The following UBE2V2 variants were observed in gnomAD, a reference collection of about 807,000 sequenced individuals.
The protein encoded by UBE2V2 is ubiquitin conjugating enzyme E2 V2.
A neutral mutation model predicts 17.2 loss-of-function variants in UBE2V2; 9 were observed. That is an observed-to-expected ratio of 0.52 (90% CI 0.32 to 0.91). The LOEUF is 0.91. Among genes scored for constraint, UBE2V2 ranks in the 40% least tolerant of loss-of-function variants. The pLI is 0.04. For missense variants in UBE2V2, 133 were observed against 182.6 expected (o/e 0.73, Z 1.56); for synonymous variants, 61 against 57.5 (o/e 1.06, Z -0.28).
At chr8:48,042,834 G>A in intron 1 of UBE2V2, 199 bp from the exon 2 acceptor site, 1 of 427,306 alleles carries the variant, frequency 2.3e-6, no homozygotes, top group South Asian at 8.0e-5. Context: ...GTTAATGTTT[G>A]GTACAGTGCT....
At chr8:48,003,802 A>G (rs1396006388), upstream of UBE2V2, among the ~76,000 whole-genome samples, 1 of 152,190 alleles carries the variant, frequency 6.6e-6, no homozygotes, top group African/African-American at 2.4e-5. Context: ...TTTGGCCTTA[A>G]GGGAGGACAG....
chr8:48,014,644 CA>C (rs1179934700), intron 1 of UBE2V2, among the ~76,000 whole-genome samples: 1,641 of 72,092 alleles, frequency 0.023, 8 homozygotes, highest in Middle Eastern at 0.045. Flanking sequence ...GACTCTGCCT[CA>C]AAAAAAAAAA....
chr8:48,033,092 C>T (rs186908045), intron 1 of UBE2V2, among the ~76,000 whole-genome samples: 308 of 152,298 alleles, frequency 2.0e-3, no homozygotes, highest in South Asian at 6.4e-3. Flanking sequence ...ACATGAAGGA[C>T]TCATTTGCTT....
intron 1 of UBE2V2, among the ~76,000 whole-genome samples, chr8:48,036,392 G>A (rs1484929652): frequency 6.6e-6 from 1 of 151,384 alleles, no homozygotes; most frequent in Non-Finnish European, 1.5e-5. Flanking sequence ...AGAATTTGTG[G>A]CCATCTTTAA....
At chr8:48,011,812 C>A (rs762934192) in intron 1 of UBE2V2, among the ~76,000 whole-genome samples, 7 of 152,120 alleles carry the variant, frequency 4.6e-5, no homozygotes, top group Non-Finnish European at 8.8e-5. Context: ...CATTGCCACA[C>A]CTGGCTAATT....
At chr8:48,009,508 C>T (rs933049339) in intron 1 of UBE2V2, among the ~76,000 whole-genome samples, 3 of 152,048 alleles carry the variant, frequency 2.0e-5, no homozygotes, top group East Asian at 1.9e-4. Context: ...TCAGGTGATC[C>T]GCCCACTTCG....
upstream of UBE2V2, among the ~76,000 whole-genome samples, chr8:48,006,458 T>A (rs1366104968): frequency 6.6e-6 from 1 of 152,148 alleles, no homozygotes; most frequent in Non-Finnish European, 1.5e-5. Context: ...GTGTGATGCC[T>A]CCAGCTTTGT....
At chr8:48,037,584 AC>A (rs1332581762) in intron 1 of UBE2V2, among the ~76,000 whole-genome samples, 4 of 152,172 alleles carry the variant, frequency 2.6e-5, no homozygotes, top group Non-Finnish European at 4.4e-5. Flanking sequence ...CCTCCTTCTT[AC>A]GCTTCTCCTT....
chr8:48,049,767 T>A (rs576062517), intron 2 of UBE2V2, 86 bp from the exon 3 acceptor site: 12 of 1,261,456 alleles, frequency 9.5e-6, no homozygotes, highest in Admixed American at 2.4e-5. Flanking sequence ...ATTCATATTG[T>A]ACTTTCCCTT....
At chr8:47,998,873 G>A in the UBE2V2 span, among the ~76,000 whole-genome samples, 2 of 152,124 alleles carry the variant, frequency 1.3e-5, no homozygotes, top group African/African-American at 4.8e-5. Flanking sequence ...GCAGCACCAA[G>A]CTTACAGAAT....
intron 3 of UBE2V2, chr8:48,050,212 A>G (rs1447472302): frequency 3.6e-6 from 1 of 278,242 alleles, no homozygotes; most frequent in Non-Finnish European, 6.6e-6. Context: ...GAATAGATGC[A>G]TGTGGTGGTT....
intron 2 of UBE2V2, 64 bp from the exon 3 acceptor site, chr8:48,049,789 G>A: frequency 7.5e-7 from 1 of 1,339,978 alleles, no homozygotes. Context: ...TTTTTTTTTA[G>A]CACTTAGACA....
intron 1 of UBE2V2, among the ~76,000 whole-genome samples, chr8:48,022,804 T>G (rs1468991130): frequency 6.6e-6 from 1 of 151,620 alleles, no homozygotes; most frequent in African/African-American, 2.4e-5. Flanking sequence ...TTTTTCCTGG[T>G]CGCATTTTTT....
At chr8:48,012,546 A>G (rs2091240052) in intron 1 of UBE2V2, among the ~76,000 whole-genome samples, 2 of 152,066 alleles carry the variant, frequency 1.3e-5, no homozygotes, top group African/African-American at 2.4e-5. Context: ...TGGAGAAACC[A>G]TGTCTCTACT....
intron 1 of UBE2V2, among the ~76,000 whole-genome samples, chr8:48,030,373 G>C (rs1218412983): frequency 6.6e-6 from 1 of 152,140 alleles, no homozygotes; most frequent in African/African-American, 2.4e-5. Flanking sequence ...CTATGGTACA[G>C]TTTCTTTCTA....
upstream of UBE2V2, among the ~76,000 whole-genome samples, chr8:48,006,397 G>A (rs1468077450): frequency 6.6e-6 from 1 of 151,402 alleles, no homozygotes; most frequent in Non-Finnish European, 1.5e-5. Context: ...ACCAGTACTA[G>A]GCAATTTTTT....
the UBE2V2 span, among the ~76,000 whole-genome samples, chr8:47,997,482 A>G: frequency 2.0e-5 from 3 of 152,034 alleles, no homozygotes; most frequent in Non-Finnish European, 4.4e-5. Context: ...CCTGGGCTGC[A>G]AGTCACATTG....
At chr8:48,002,795 C>T in the UBE2V2 span, among the ~76,000 whole-genome samples, 2 of 152,058 alleles carry the variant, frequency 1.3e-5, no homozygotes, top group African/African-American at 4.8e-5. Flanking sequence ...TTGCAAATGG[C>T]TGAGAATAGA....
intron 1 of UBE2V2, among the ~76,000 whole-genome samples, chr8:48,031,258 A>G (rs957075929): frequency 6.6e-6 from 1 of 152,062 alleles, no homozygotes; most frequent in Non-Finnish European, 1.5e-5. Context: ...AAAACAACTT[A>G]GCCTTTCCTT....
Sources: gnomAD v4.1 joint callset for allele counts (sites outside exome capture counted in the v4.1 genomes callset) on GRCh38, gnomAD v4.1.1 for gene constraint, MANE v1.5 for transcripts, NCBI Gene and HGNC (gene_info 2026-07-23, HGNC 2026-07-21) for gene names.